Variants in HINT3 observed in about 807,000 individuals in gnomAD.
HINT3 encodes histidine triad nucleotide binding protein 3, also known as adenosine 5'-monophosphoramidase HINT3.
Under a neutral mutation model 19.1 loss-of-function variants are expected in HINT3, and 16 were observed. The ratio of observed to expected loss-of-function variants is 0.84; its 90% confidence interval spans 0.57 to 1.27. The LOEUF is 1.27. Ranked by LOEUF, HINT3 falls within the 50% of genes most tolerant of loss-of-function variation. The probability of loss-of-function intolerance (pLI) is 0.00; values close to 1 mark genes in which losing one functional copy is unlikely to be tolerated. For synonymous variants in HINT3, 75 were observed against 84.8 expected, an observed-to-expected ratio of 0.88 and a Z score of 0.63; for missense variants, 197 against 225.8, an observed-to-expected ratio of 0.87 and a Z score of 0.82.
At chr6:125,962,229 TATATACACATATATATATATAC>T (rs1788944425) in intron 1 of HINT3, among the ~76,000 whole-genome samples, 7 of 33,066 alleles carry the variant, frequency 2.1e-4, no homozygotes, top group South Asian at 1.1e-3. Context: ...TATATATATA[TATATACACATATATATATATAC>T]ACACATATAT....
chr6:125,974,599 T>C (rs2024583), intron 3 of HINT3, among the ~76,000 whole-genome samples: 108,864 of 152,168 alleles, frequency 0.72, 39,511 homozygotes, highest in East Asian at 0.95. Context: ...AAAGATTATA[T>C]TGAGGCGTAA....
intron 1 of HINT3, among the ~76,000 whole-genome samples, chr6:125,957,609 T>C (rs541245335): frequency 6.6e-6 from 1 of 152,322 alleles, no homozygotes; most frequent in South Asian, 2.1e-4. Flanking sequence ...CCGATACTGA[T>C]GAGAAAACTA....
intron 2 of HINT3, among the ~76,000 whole-genome samples, chr6:125,971,555 G>A (rs1403123527): frequency 6.6e-6 from 1 of 151,914 alleles, no homozygotes; most frequent in African/African-American, 2.4e-5. Flanking sequence ...TTATTTTTGA[G>A]AGAGGGTCTC....
At chr6:125,968,722 T>C (rs765635112) in intron 2 of HINT3, among the ~76,000 whole-genome samples, 2 of 152,200 alleles carry the variant, frequency 1.3e-5, no homozygotes, top group Admixed American at 6.5e-5. Flanking sequence ...GGTGTTGAAA[T>C]AGTATCTTAT....
intron 1 of HINT3, among the ~76,000 whole-genome samples, chr6:125,963,183 C>T (rs1788968469): frequency 6.6e-6 from 1 of 152,184 alleles, no homozygotes; most frequent in Non-Finnish European, 1.5e-5. Flanking sequence ...CACACTCCAT[C>T]TGCTGGGTCC....
intron 2 of HINT3, among the ~76,000 whole-genome samples, chr6:125,970,422 A>G (rs1234695433): frequency 6.6e-6 from 1 of 151,990 alleles, no homozygotes; most frequent in African/African-American, 2.4e-5. Context: ...GGAATTTTTC[A>G]ATTTATATTC....
intron 4 of HINT3, among the ~76,000 whole-genome samples, chr6:125,976,983 TC>T (rs769534514): frequency 2.0e-5 from 3 of 152,116 alleles, no homozygotes; most frequent in Non-Finnish European, 4.4e-5. Flanking sequence ...CCCCTACCCC[TC>T]CACATGTACA....
At chr6:125,974,814 G>T (rs1339521134) in intron 3 of HINT3, 33 bp from the exon 4 acceptor site, 15 of 1,596,254 alleles carry the variant, frequency 9.4e-6, no homozygotes, top group Non-Finnish European at 1.3e-5. Context: ...TTTAGAACTG[G>T]TTTGTCAATC....
intron 2 of HINT3, 128 bp from the exon 3 acceptor site, chr6:125,972,131 G>A: frequency 1.6e-6 from 1 of 617,846 alleles, no homozygotes; most frequent in Non-Finnish European, 2.8e-6. Context: ...ACAGGGGTGA[G>A]CCACTGTGCC....
At chr6:125,965,495 A>G (rs1789004670) in intron 1 of HINT3, among the ~76,000 whole-genome samples, 1 of 152,162 alleles carries the variant, frequency 6.6e-6, no homozygotes. Context: ...AGTATTAAAG[A>G]AATAATGGTA....
rs535315794 is a variant in HINT3 at position 125,972,899 on chromosome 6, T to C, written c.389+571T>C. On this transcript the variant is annotated intron_variant, in intron 3 of 4. Transcript: ENST00000229633. ...AGTCACCACACCCAGCAAATCTACT[T>C]TTCTTTGTTCAATATGGGCATTCCT... 8.6e-5 allele frequency among the ~76,000 whole-genome samples: 13 copies of C among 151,966 alleles called. No homozygotes were observed. The South Asian group carries it at 2.5e-3, about 29-fold the overall frequency.
In HINT3 at chr6:125,960,655, T is replaced by TGGAGG. The variant is rs1554209587; in HGVS notation, c.201+3479_201+3480insAGGGG. On this transcript the variant is annotated intron_variant, in intron 1 of 4. Transcript: ENST00000229633. ...CTGGGTGACAGAGCAAGACTCTCTC[T>TGGAGG]GGGGGGGGGGAAAAAAAAAGAAGTT... 5.2e-5 allele frequency among the ~76,000 whole-genome samples: 4 copies of TGGAGG among 76,266 alleles called. No individual in the cohort carries two copies. In the East Asian group the frequency reaches 3.8e-3, roughly 72 times the overall value. 50.0% of individuals were successfully genotyped at this position (76,266 alleles called of 152,430 possible).
intron 2 of HINT3, among the ~76,000 whole-genome samples, chr6:125,969,494 G>T (rs1169414837): frequency 6.6e-6 from 1 of 151,894 alleles, no homozygotes. Context: ...TGGGTTTTTT[G>T]GTTTCATATG....
chr6:125,969,643 T>A (rs1012386225), intron 2 of HINT3, among the ~76,000 whole-genome samples: 11 of 152,220 alleles, frequency 7.2e-5, no homozygotes, highest in African/African-American at 2.7e-4. Flanking sequence ...TTCATTTGTT[T>A]GTATCATCTA....
rs548915845 is a variant in HINT3 at position 125,957,913 on chromosome 6, A to T, written c.201+735A>T. Among the ~76,000 whole-genome samples the T allele has an allele frequency of 8.5e-5, 13 of 152,336 alleles. No individual in the cohort carries two copies. In the South Asian group the frequency reaches 2.7e-3, roughly 32 times the overall value. ...GTAAACATTCCTTTATTTTTTAAAA[A>T]ATAAATATAATTCCTTCTAAGCACC... On this transcript the variant is annotated intron_variant, in intron 1 of 4. Coordinates refer to ENST00000229633, the MANE Select transcript of HINT3 (RefSeq NM_138571.5).
Position 125,957,051 on chromosome 6 carries a change from C to G in HINT3, c.74C>G (p.Thr25Arg), listed in dbSNP as rs932314563. The G allele has an allele frequency of 9.7e-6, 15 of 1,550,706 alleles. No individual in the cohort carries two copies. Among genetic ancestry groups the G allele is most frequent in the Non-Finnish European group, 1.2e-5 (14 of 1,146,874 alleles). The change falls in exon 1 of 5, where the codon ACG (threonine) becomes AGG (arginine). Residue 25 changes from threonine (T) to arginine (R), a missense_variant. By Grantham distance (71) the Thr-to-Arg change is moderately conservative. Transcript: ENST00000229633. ...DCEASATAET[T>R]VSSVGTCEAA... ...GAGGCCTCGGCGACTGCAGAAACTACGGTTTCCTCAGTGGGGACCTGTGAA... is the reference window on the plus strand; with the variant it reads ...GAGGCCTCGGCGACTGCAGAAACTAGGGTTTCCTCAGTGGGGACCTGTGAA...
At chr6:125,973,315 G>A (rs1307806525) in intron 3 of HINT3, among the ~76,000 whole-genome samples, 1 of 152,064 alleles carries the variant, frequency 6.6e-6, no homozygotes, top group Non-Finnish European at 1.5e-5. Context: ...CTGACATCAA[G>A]TGATCCGCCC....
chr6:125,961,125 G>A (rs890539722), intron 1 of HINT3, among the ~76,000 whole-genome samples: 11 of 152,082 alleles, frequency 7.2e-5, no homozygotes, highest in African/African-American at 2.7e-4. Context: ...AGAGACTGGG[G>A]ATATTTTCAT....
chr6:125,973,099 G>A (rs1181952762), intron 3 of HINT3, among the ~76,000 whole-genome samples: 1 of 77,552 alleles, frequency 1.3e-5, no homozygotes, highest in Non-Finnish European at 2.2e-5. Context: ...TTTTTGAGAC[G>A]GAGTCTTGCA....
Sources: allele counts gnomAD v4.1 joint callset (sites outside exome capture counted in the v4.1 genomes callset), GRCh38; gene constraint gnomAD v4.1.1; transcripts MANE v1.5; gene names NCBI Gene and HGNC (gene_info 2026-07-23, HGNC 2026-07-21).